CRPPA: variants seen among roughly 807,000 people sequenced by gnomAD.
The protein encoded by CRPPA is D-ribitol-5-phosphate cytidylyltransferase.
CRPPA carries 43 observed loss-of-function variants against 52.0 expected under a neutral mutation model. The observed-to-expected ratio is 0.83, with a 90% CI of 0.65 to 1.07. CRPPA has a LOEUF of 1.07. CRPPA is among the 50% of genes least tolerant of loss of function. The probability of loss-of-function intolerance (pLI) is 0.00; values close to 1 mark genes in which losing one functional copy is unlikely to be tolerated. For missense variants in CRPPA, 629 were observed against 551.7 expected, an observed-to-expected ratio of 1.14 and a Z score of -1.40; for synonymous variants, 250 against 203.5, an observed-to-expected ratio of 1.23 and a Z score of -1.94.
At chr7:16,155,011 G>T (rs1583394818) in intron 9 of CRPPA, among the ~76,000 whole-genome samples, 2 of 148,502 alleles carry the variant, frequency 1.3e-5, no homozygotes, top group African/African-American at 5.0e-5. Flanking sequence ...TAGAGACAGG[G>T]TTTCACCATG....
At chr7:16,190,909 C>A (rs1781596177) in intron 9 of CRPPA, among the ~76,000 whole-genome samples, 2 of 152,068 alleles carry the variant, frequency 1.3e-5, no homozygotes, top group African/African-American at 4.8e-5. Flanking sequence ...ATAATAGTCT[C>A]CAGTTCCACC....
At chr7:16,330,923 C>T (rs1040774914) in intron 3 of CRPPA, among the ~76,000 whole-genome samples, 1 of 152,078 alleles carries the variant, frequency 6.6e-6, no homozygotes, top group Non-Finnish European at 1.5e-5. Flanking sequence ...CACCCACATA[C>T]CCAACTCCAG....
chr7:16,322,844 C>T (rs922585713), intron 3 of CRPPA, among the ~76,000 whole-genome samples: 4 of 152,068 alleles, frequency 2.6e-5, no homozygotes, highest in Non-Finnish European at 5.9e-5. Flanking sequence ...AAGGAAAAGA[C>T]GTTTAATTGA....
chr7:16,116,029 G>A (rs1173255863), intron 9 of CRPPA, among the ~76,000 whole-genome samples: 1 of 152,152 alleles, frequency 6.6e-6, no homozygotes, highest in Non-Finnish European at 1.5e-5. Context: ...AAGAATCATT[G>A]ATGCATGATA....
intron 3 of CRPPA, among the ~76,000 whole-genome samples, chr7:16,335,869 G>T (rs1390024937): frequency 6.6e-6 from 1 of 152,146 alleles, no homozygotes; most frequent in Non-Finnish European, 1.5e-5. Context: ...AAAGCAGTGG[G>T]CGGGTAAGAA....
At chr7:16,357,600 A>C (rs1193680905) in intron 3 of CRPPA, among the ~76,000 whole-genome samples, 1 of 152,126 alleles carries the variant, frequency 6.6e-6, no homozygotes, top group Non-Finnish European at 1.5e-5. Flanking sequence ...ACAGGACAAA[A>C]AGATAGTAGC....
At chr7:16,189,324 AT>A (rs1368820343) in intron 9 of CRPPA, among the ~76,000 whole-genome samples, 2 of 152,216 alleles carry the variant, frequency 1.3e-5, no homozygotes, top group Admixed American at 6.6e-5. Context: ...CAGCAGAGCC[AT>A]TTTGCTGTAA....
chr7:16,214,798 A>G (rs1038192350), intron 9 of CRPPA, among the ~76,000 whole-genome samples: 1 of 152,202 alleles, frequency 6.6e-6, no homozygotes, highest in Admixed American at 6.5e-5. Context: ...GGCGTGAGCC[A>G]CCACAAAGAG....
chr7:16,149,118 A>G (rs1338170514), intron 9 of CRPPA, among the ~76,000 whole-genome samples: 2 of 152,186 alleles, frequency 1.3e-5, no homozygotes, highest in African/African-American at 2.4e-5. Flanking sequence ...TTACAAAGTA[A>G]AAGTAGGGTA....
intron 3 of CRPPA, among the ~76,000 whole-genome samples, chr7:16,345,835 C>T (rs1420223824): frequency 6.6e-6 from 1 of 152,126 alleles, no homozygotes; most frequent in African/African-American, 2.4e-5. Flanking sequence ...TCTGCTGCTA[C>T]AACTAGAACA....
At chr7:16,102,692 C>A (rs1301701155) in intron 9 of CRPPA, among the ~76,000 whole-genome samples, 1 of 151,976 alleles carries the variant, frequency 6.6e-6, no homozygotes, top group African/African-American at 2.4e-5. Flanking sequence ...ACGTGACCAA[C>A]AAACATGTGA....
At chr7:16,252,244 C>A (rs530626797) in intron 8 of CRPPA, among the ~76,000 whole-genome samples, 1 of 152,258 alleles carries the variant, frequency 6.6e-6, no homozygotes, top group Non-Finnish European at 1.5e-5. Flanking sequence ...AAGGCTGGGT[C>A]AACATATGCA....
chr7:16,421,283 G>A lies in CRPPA; in HGVS notation c.40C>T (p.Pro14Ser). The A allele has an allele frequency of 7.8e-7, 1 of 1,278,832 alleles. No homozygotes were observed. Among genetic ancestry groups the A allele is most frequent in the Non-Finnish European group, 9.9e-7 (1 of 1,006,920 alleles). 79.2% of individuals were successfully genotyped at this position (1,278,832 alleles called of 1,614,324 possible). The change falls in exon 1 of 10, where the codon CCG (proline) becomes TCG (serine). Residue 14 changes from proline (P) to serine (S), a missense_variant. Pro to Ser is a moderately conservative substitution (Grantham distance 74). Transcript: ENST00000407010. Reference protein sequence around the residue: ...GPPGSARPAEPGPCLSGQRGA... With the variant: ...GPPGSARPAESGPCLSGQRGA... ...CGCTGACCACTCAGGCAAGGACCCG[G>A]CTCCGCCGGCCTGGCGCTGCCCGGC... is the stretch of plus-strand genomic sequence containing the variant.
chr7:16,226,187 A>T (rs1782647102), intron 8 of CRPPA, among the ~76,000 whole-genome samples: 1 of 151,998 alleles, frequency 6.6e-6, no homozygotes, highest in African/African-American at 2.4e-5. Flanking sequence ...ATAATCTAAT[A>T]ATCAAAATCA....
chr7:16,210,803 C>T (rs1782113595), intron 9 of CRPPA, among the ~76,000 whole-genome samples: 1 of 151,772 alleles, frequency 6.6e-6, no homozygotes, highest in East Asian at 1.9e-4. Flanking sequence ...TTAGAGGATG[C>T]TTCTCTTCAT....
At position 16,097,747 on chromosome 7, in the gene CRPPA, C is replaced by G. The variant is rs80280858; in HGVS notation, c.1252-5948G>C. Among the ~76,000 whole-genome samples, 891 of 152,208 alleles carry G rather than the reference C, an allele frequency of 5.9e-3. 8 individuals are homozygous for G. The highest frequency in any genetic ancestry group is 0.02 in the African/African-American group (829 of 41,546). Reference sequence around the variant, plus strand: ...CAAACTTGTGGGAAATCAGGAAAAGCAGGAGATTTTCACAGAAGATTGGAA... The same window carrying G: ...CAAACTTGTGGGAAATCAGGAAAAGGAGGAGATTTTCACAGAAGATTGGAA... On this transcript the variant is annotated intron_variant, in intron 9 of 9. Transcript: ENST00000407010.
At chr7:16,178,061 CAA>C (rs5882558) in intron 9 of CRPPA, among the ~76,000 whole-genome samples, 247 of 136,598 alleles carry the variant, frequency 1.8e-3, no homozygotes, top group Non-Finnish European at 2.2e-3. Context: ...TAAAAGAAGG[CAA>C]AAAAAAAAAA....
At chr7:16,172,937 G>C (rs1045610101) in intron 9 of CRPPA, among the ~76,000 whole-genome samples, 1 of 152,308 alleles carries the variant, frequency 6.6e-6, no homozygotes, top group African/African-American at 2.4e-5. Flanking sequence ...AGCATTCCAT[G>C]AAACATACTT....
chr7:16,169,500 T>C (rs1458895860), intron 9 of CRPPA, among the ~76,000 whole-genome samples: 2 of 152,228 alleles, frequency 1.3e-5, no homozygotes, highest in Non-Finnish European at 2.9e-5. Context: ...ATTGTCCTGT[T>C]TTATCGTTTT....
Sources: gnomAD v4.1 joint callset for allele counts (sites outside exome capture counted in the v4.1 genomes callset) on GRCh38, gnomAD v4.1.1 for gene constraint, MANE v1.5 for transcripts, NCBI Gene and HGNC (gene_info 2026-07-23, HGNC 2026-07-21) for gene names.